Variants in LRCH2 observed in about 807,000 individuals in gnomAD.
LRCH2 encodes leucine-rich repeat and calponin homology domain-containing protein 2.
In LRCH2, 38 loss-of-function variants were observed where a neutral mutation model predicts 68.9. The observed-to-expected ratio is 0.55, with a 90% CI of 0.43 to 0.72. LRCH2 has a LOEUF of 0.72. Ranked by LOEUF, LRCH2 falls within the 30% of genes least tolerant of loss-of-function variation. The pLI, the probability that LRCH2 is intolerant of heterozygous loss-of-function variation, is 0.00. For missense variants in LRCH2, 528 were observed against 572.9 expected, an observed-to-expected ratio of 0.92 and a Z score of 0.80; for synonymous variants, 191 against 208.1, an observed-to-expected ratio of 0.92 and a Z score of 0.71.
chrX:115,165,567 T>C lies in LRCH2; in HGVS notation c.1287A>G (p.Ser429=). ...QGNAHIGSFV[S]FFKGKEKCSE... Reference sequence around the variant, plus strand: ...TCAAAGTTTTATTTACCTTAAAGAATGATACAAATGATCCAATATGTGCAT... The same window carrying C: ...TCAAAGTTTTATTTACCTTAAAGAACGATACAAATGATCCAATATGTGCAT... The change falls in exon 9 of 21, where the codon TCA becomes TCG. Residue 429 remains serine (S), a synonymous_variant. Transcript: ENST00000317135. 1.7e-6 allele frequency: 2 copies of C among 1,151,950 alleles called. No individual in the cohort carries two copies. Among genetic ancestry groups the C allele is most frequent in the Non-Finnish European group, 2.3e-6 (2 of 860,798 alleles). 94.9% of individuals were successfully genotyped at this position (1,151,950 alleles called of 1,213,427 possible).
At chrX:115,137,659 C>T (rs1047639989) in intron 14 of LRCH2, among the ~76,000 whole-genome samples, 3 of 111,648 alleles carry the variant, frequency 2.7e-5, no homozygotes, top group East Asian at 2.8e-4. Context: ...GAAATGGAAG[C>T]GAACGCCAGA....
intron 1 of LRCH2, among the ~76,000 whole-genome samples, chrX:115,221,210 AATATATATATATATAT>A (rs1204700596): frequency 2.3e-5 from 1 of 42,729 alleles, no homozygotes; most frequent in African/African-American, 1.2e-4. Context: ...AAAAAAAAAA[AATATATATATATATAT>A]ATATATATAT....
At chrX:115,173,355 G>A (rs993767437) in intron 5 of LRCH2, among the ~76,000 whole-genome samples, 6 of 111,277 alleles carry the variant, frequency 5.4e-5, no homozygotes, top group Admixed American at 4.8e-4. Context: ...CAAAGGTCTC[G>A]AGTAAACACC....
chrX:115,187,144 G>A (rs976670293), intron 2 of LRCH2, among the ~76,000 whole-genome samples: 8 of 111,800 alleles, frequency 7.2e-5, no homozygotes, highest in Non-Finnish European at 1.3e-4. Context: ...ACATTTTAAG[G>A]TGTAAAGTGG....
chrX:115,167,742 C>T (rs782065286), intron 6 of LRCH2, among the ~76,000 whole-genome samples: 1 of 111,629 alleles, frequency 9.0e-6, no homozygotes, highest in Non-Finnish European at 1.9e-5. Context: ...GCTAGGCACA[C>T]ATTTAATTCT....
chrX:115,172,459 G>A (rs1214104575), intron 5 of LRCH2, among the ~76,000 whole-genome samples: 1 of 112,114 alleles, frequency 8.9e-6, no homozygotes, highest in Non-Finnish European at 1.9e-5. Context: ...CTAGAACACA[G>A]CAAATACTAT....
At chrX:115,125,504 T>C (rs1480792386) in intron 16 of LRCH2, among the ~76,000 whole-genome samples, 1 of 114 alleles carries the variant, frequency 8.8e-3, no homozygotes, top group Non-Finnish European at 0.029. Flanking sequence ...TATATATATA[T>C]ATATATATAT....
chrX:115,208,347 T>G (rs1324299114), intron 1 of LRCH2, among the ~76,000 whole-genome samples: 1 of 112,298 alleles, frequency 8.9e-6, no homozygotes, highest in Non-Finnish European at 1.9e-5. Flanking sequence ...TCTTGTCTCA[T>G]TTTTAATCAT....
At chrX:115,211,552 C>T (rs1179560312) in intron 1 of LRCH2, among the ~76,000 whole-genome samples, 1 of 111,896 alleles carries the variant, frequency 8.9e-6, no homozygotes, top group Non-Finnish European at 1.9e-5. Context: ...GAATGACATG[C>T]CTTCCCAAAG....
intron 3 of LRCH2, among the ~76,000 whole-genome samples, chrX:115,182,098 G>A (rs1349922829): frequency 9.0e-6 from 1 of 111,480 alleles, no homozygotes; most frequent in Admixed American, 9.6e-5. Context: ...GTATATAAGA[G>A]ACTTGAGCAT....
chrX:115,200,393 T>C (rs1382593037), intron 1 of LRCH2, among the ~76,000 whole-genome samples: 1 of 110,961 alleles, frequency 9.0e-6, no homozygotes, highest in Non-Finnish European at 1.9e-5. Context: ...GTAGCTAGAC[T>C]AACCTAGAAG....
At chrX:115,206,552 C>A (rs1039184429) in intron 1 of LRCH2, among the ~76,000 whole-genome samples, 2 of 112,418 alleles carry the variant, frequency 1.8e-5, no homozygotes, top group South Asian at 3.7e-4. Context: ...GCCAGACCCA[C>A]CCCTTTATTT....
intron 11 of LRCH2, among the ~76,000 whole-genome samples, chrX:115,161,567 T>C (rs1556541724): frequency 9.0e-6 from 1 of 111,596 alleles, no homozygotes; most frequent in African/African-American, 3.3e-5. Context: ...AGCAGAAGTT[T>C]TTTTTAGGGA....
At chrX:115,113,589 G>A (rs1240763904) in intron 20 of LRCH2, among the ~76,000 whole-genome samples, 1 of 111,115 alleles carries the variant, frequency 9.0e-6, no homozygotes, top group African/African-American at 3.3e-5. Flanking sequence ...CAAAGAAAAT[G>A]TTTATAAAAG....
At chrX:115,141,886 GAAAGAAAGAAAAAGAAA>G (rs1302692356) in intron 14 of LRCH2, among the ~76,000 whole-genome samples, 2 of 95,000 alleles carry the variant, frequency 2.1e-5, no homozygotes, top group African/African-American at 7.8e-5. Context: ...AAAAAAAAAA[GAAAGAAAGAAAAAGAAA>G]AAAGAAAAAA....
At chrX:115,151,467 A>G (rs997472161) in intron 12 of LRCH2, among the ~76,000 whole-genome samples, 1 of 111,514 alleles carries the variant, frequency 9.0e-6, no homozygotes, top group Admixed American at 9.6e-5. Flanking sequence ...CCTCATACCA[A>G]ATATCAAAAT....
chrX:115,151,264 T>G (rs1251296383), intron 12 of LRCH2, among the ~76,000 whole-genome samples: 1 of 110,712 alleles, frequency 9.0e-6, no homozygotes, highest in Non-Finnish European at 1.9e-5. Flanking sequence ...GGAAGAGGAG[T>G]ACAGGACCAC....
chrX:115,110,835 C>T lies in LRCH2; in HGVS notation c.*2381G>A, dbSNP rs1276219099. 1.8e-5 allele frequency: 2 copies of T among 111,506 alleles called. No individual in the cohort carries two copies. Among genetic ancestry groups the T allele is most frequent in the Non-Finnish European group, 3.8e-5 (2 of 53,077 alleles). The allele number at this position is 111,506 out of a possible 1,213,427, so 9.2% of individuals were successfully genotyped here. ...TGCATTTTTACTCCTTATTTCATTT[C>T]TAACATACCCAATGTCACTTCTTTC... On this transcript the variant is annotated 3_prime_UTR_variant, in exon 21 of 21. Coordinates refer to ENST00000317135, the MANE Select transcript of LRCH2 (RefSeq NM_020871.4).
chrX:115,184,370 A>G (rs1569515270), intron 3 of LRCH2, 41 bp downstream of exon 3: 20 of 1,013,548 alleles, frequency 2.0e-5, no homozygotes, highest in Non-Finnish European at 2.6e-5. Context: ...ATGTAGATAT[A>G]TTACGCATAT....
Sources: gnomAD v4.1 joint callset for allele counts (sites outside exome capture counted in the v4.1 genomes callset) on GRCh38, gnomAD v4.1.1 for gene constraint, MANE v1.5 for transcripts, NCBI Gene and HGNC (gene_info 2026-07-23, HGNC 2026-07-21) for gene names.